Variants in UBE2V1 observed in about 807,000 individuals in gnomAD.
UBE2V1 encodes the protein ubiquitin conjugating enzyme E2 V1.
A neutral mutation model predicts 19.6 loss-of-function variants in UBE2V1; 15 were observed. The ratio of observed to expected loss-of-function variants is 0.77; its 90% CI spans 0.51 to 1.18. The LOEUF (loss-of-function observed/expected upper bound fraction) is 1.18, where lower values mean the gene tolerates loss of function less well. Among genes scored for constraint, UBE2V1 ranks in the 50% most tolerant of loss-of-function variants. UBE2V1 has a pLI of 0.00. For synonymous variants in UBE2V1, 60 were observed against 60.7 expected, an observed-to-expected ratio of 0.99 and a Z score of 0.05; for missense variants, 125 against 184.8, an observed-to-expected ratio of 0.68 and a Z score of 1.88.
intron 1 of UBE2V1, among the ~76,000 whole-genome samples, chr20:50,098,359 G>T (rs1308280529): frequency 2.0e-5 from 3 of 152,194 alleles, no homozygotes; most frequent in Non-Finnish European, 2.9e-5. Flanking sequence ...TGAGTGACAT[G>T]ATCTGTCTTG....
At chr20:50,100,668 A>G (rs1170459981) in intron 1 of UBE2V1, among the ~76,000 whole-genome samples, 2 of 152,206 alleles carry the variant, frequency 1.3e-5, no homozygotes, top group East Asian at 3.8e-4. Context: ...ACTGAATGGA[A>G]GCTGTATTAC....
chr20:50,106,874 C>CAAAAA (rs57532245), intron 1 of UBE2V1, among the ~76,000 whole-genome samples: 18 of 124,692 alleles, frequency 1.4e-4, no homozygotes, highest in African/African-American at 5.1e-4. Context: ...ACAACAACAA[C>CAAAAA]AAAAAAAAAA....
Position 50,082,797 on chromosome 20 carries a change from G to C in UBE2V1, c.415C>G (p.Pro139Ala), listed in dbSNP as rs1203061108. ...MSKENMKLPQPPEGQCYSN is the reference protein window; with the variant it reads ...MSKENMKLPQAPEGQCYSN Reference sequence around the variant, plus strand: ...TTGCTGTAACACTGTCCTTCGGGCGGCTGAGGGAGTTTCATATTTTCTTTA... The same window carrying C: ...TTGCTGTAACACTGTCCTTCGGGCGCCTGAGGGAGTTTCATATTTTCTTTA... The change falls in exon 4 of 4, where the codon CCG becomes GCG. Residue 139 changes from proline (P) to alanine (A), a missense_variant. Coordinates refer to ENST00000371674, the MANE Select transcript of UBE2V1 (RefSeq NM_001032288.3). The C allele has an allele frequency of 8.1e-6, 13 of 1,612,948 alleles. No individual in the cohort carries two copies. The highest frequency in any genetic ancestry group is 1.1e-5 in the Non-Finnish European group (13 of 1,179,872).
At chr20:50,097,998 AC>A (rs1345744949) in intron 1 of UBE2V1, among the ~76,000 whole-genome samples, 1 of 152,252 alleles carries the variant, frequency 6.6e-6, no homozygotes, top group Non-Finnish European at 1.5e-5. Context: ...CCTGCAGCTT[AC>A]ATTCTAGTAG....
At chr20:50,106,109 TAA>T (rs966222182) in intron 1 of UBE2V1, among the ~76,000 whole-genome samples, 1 of 146,108 alleles carries the variant, frequency 6.8e-6, no homozygotes, top group African/African-American at 2.5e-5. Context: ...ATGAAAATGC[TAA>T]AAAAAAAAAC....
intron 2 of UBE2V1, among the ~76,000 whole-genome samples, chr20:50,094,010 A>AAATAATAAT (rs1322348656): frequency 5.3e-5 from 5 of 94,712 alleles, no homozygotes; most frequent in African/African-American, 2.6e-4. Flanking sequence ...AAAAAAAAAA[A>AAATAATAAT]AATAATAATA....
chr20:50,111,323 G>C (rs1006882151), intron 1 of UBE2V1: 1 of 993,846 alleles, frequency 1.0e-6, no homozygotes, highest in Non-Finnish European at 1.2e-6. Context: ...AGTTAGAACC[G>C]GGCAGCTGTT....
chr20:50,095,683 C>A (rs979155145), intron 2 of UBE2V1: 3 of 152,210 alleles, frequency 2.0e-5, no homozygotes, highest in African/African-American at 7.2e-5. Flanking sequence ...TTGTCATCAT[C>A]CTTAAACACA....
In UBE2V1 at chr20:50,112,934, G is replaced by A. The variant is rs544264461; in HGVS notation, c.22+173C>T. On this transcript the variant is annotated intron_variant, in intron 1 of 3. Coordinates refer to ENST00000371674, the MANE Select transcript of UBE2V1 (RefSeq NM_001032288.3). Reference sequence around the variant, plus strand: ...CCCTCAGCCCCCCGCCCGTGCTTCCGGCCACCGCCTGCTCCTCCTCCCCCG... The same window carrying A: ...CCCTCAGCCCCCCGCCCGTGCTTCCAGCCACCGCCTGCTCCTCCTCCCCCG... 1.9e-4 allele frequency among the ~76,000 whole-genome samples: 29 copies of A among 152,018 alleles called. No individual in the cohort carries two copies. The South Asian group carries it at 6.0e-3, about 32-fold the overall frequency.
At chr20:50,088,850 A>C (rs1342843108) in intron 2 of UBE2V1, among the ~76,000 whole-genome samples, 1 of 152,170 alleles carries the variant, frequency 6.6e-6, no homozygotes, top group Non-Finnish European at 1.5e-5. Context: ...AAAATATGCA[A>C]GGAAAATTAC....
chr20:50,113,308 T>C, upstream of UBE2V1: 1 of 440,414 alleles, frequency 2.3e-6, no homozygotes, highest in Non-Finnish European at 3.8e-6. Context: ...AGGAAATATC[T>C]GCGTGCTCGA....
chr20:50,094,073 T>A (rs2147061162), intron 2 of UBE2V1, among the ~76,000 whole-genome samples: 1 of 138,054 alleles, frequency 7.2e-6, no homozygotes, highest in East Asian at 2.0e-4. Context: ...GTTATATATA[T>A]AATATATATA....
upstream of UBE2V1, chr20:50,113,203 G>C (rs780317992): frequency 1.7e-6 from 2 of 1,198,694 alleles, no homozygotes; most frequent in South Asian, 3.6e-5. Flanking sequence ...TGATGCGCAG[G>C]CGCGCGCGCA....
Position 50,082,924 on chromosome 20 carries a change from G to A in UBE2V1, c.298-10C>T, listed in dbSNP as rs1374054598. On this transcript the variant is annotated splice_polypyrimidine_tract_variant and intron_variant, in intron 3 of 3. Transcript: ENST00000371674. ...TGGCTCTTGGGTCCACCTACAACAA[G>A]GCAAACAAAAGCAAATTACTCTCAG... 8 of 1,601,616 alleles carry A rather than the reference G, an allele frequency of 5.0e-6. No individual in the cohort carries two copies. In the East Asian group the frequency reaches 1.6e-4, roughly 31 times the overall value.
Position 50,081,949 on chromosome 20 carries a change from G to T in UBE2V1, c.*819C>A. ...TGAGTATGGTTCCAAAACTAAACAAGGGAGGTCAGAGGCTCTTTCCAACCT... is the reference window on the plus strand; with the variant it reads ...TGAGTATGGTTCCAAAACTAAACAATGGAGGTCAGAGGCTCTTTCCAACCT... On this transcript the variant is annotated 3_prime_UTR_variant, in exon 4 of 4. Coordinates refer to ENST00000371674, the MANE Select transcript of UBE2V1 (RefSeq NM_001032288.3). 4.2e-6 allele frequency: 1 copy of T among 240,578 alleles called. No homozygotes were observed. The highest frequency in any genetic ancestry group is 1.5e-4 in the South Asian group (1 of 6,528). The allele number at this position is 240,578 out of a possible 1,614,324, so 14.9% of individuals were successfully genotyped here.
intron 1 of UBE2V1, among the ~76,000 whole-genome samples, chr20:50,100,884 C>T (rs2079943251): frequency 6.6e-6 from 1 of 152,214 alleles, no homozygotes; most frequent in South Asian, 2.1e-4. Context: ...ATTCAAATAT[C>T]ACAAGCTTGT....
chr20:50,109,130 GACA>G (rs2080578415), intron 1 of UBE2V1: 1 of 985,264 alleles, frequency 1.0e-6, no homozygotes, highest in African/African-American at 1.7e-5. Flanking sequence ...AGTTAGATGA[GACA>G]ACATCACAGG....
chr20:50,112,515 G>C (rs1295047240), intron 1 of UBE2V1, among the ~76,000 whole-genome samples: 2 of 152,052 alleles, frequency 1.3e-5, no homozygotes, highest in African/African-American at 4.8e-5. Context: ...CTGCTCCAAG[G>C]CTCCTCCTTT....
At chr20:50,087,855 C>T (rs2079009986) in intron 2 of UBE2V1, among the ~76,000 whole-genome samples, 1 of 151,938 alleles carries the variant, frequency 6.6e-6, no homozygotes, top group Admixed American at 6.6e-5. Flanking sequence ...TCTCAAAGGC[C>T]GAGGGACACT....
Sources: allele counts gnomAD v4.1 joint callset (sites outside exome capture counted in the v4.1 genomes callset), GRCh38; gene constraint gnomAD v4.1.1; transcripts MANE v1.5; gene names NCBI Gene and HGNC (gene_info 2026-07-23, HGNC 2026-07-21).